The following CSRP3 variants were observed in gnomAD, a reference collection of about 807,000 sequenced individuals.
CSRP3 encodes cysteine and glycine-rich protein 3.
CSRP3 carries 24 observed loss-of-function variants against 24.3 expected under a neutral mutation model. The ratio of observed to expected loss-of-function variants is 0.99; its 90% CI spans 0.71 to 1.39. The LOEUF (loss-of-function observed/expected upper bound fraction) is 1.39. CSRP3 is among the 40% of genes most tolerant of loss of function. The pLI is 0.00. For synonymous variants in CSRP3, 105 were observed against 94.0 expected (o/e 1.12, Z -0.68); for missense variants, 240 against 249.0 (o/e 0.96, Z 0.24).
intron 5 of CSRP3, among the ~76,000 whole-genome samples, chr11:19,184,556 C>T (rs938393074): frequency 6.6e-6 from 1 of 152,186 alleles, no homozygotes; most frequent in Non-Finnish European, 1.5e-5. Flanking sequence ...CTCCAGTCAC[C>T]CCCTCTGCCA....
chr11:19,182,179 C>A lies in CSRP3; in HGVS notation c.*491G>T. The stretch of plus-strand genomic sequence containing the variant: ...TGATTTTCCTTTTAGATTTTGCTAT[C>A]ATGTTCTCTATTTTCTCCCAGACCC... On this transcript the variant is annotated 3_prime_UTR_variant, in exon 6 of 6. Coordinates refer to ENST00000265968, the MANE Select transcript of CSRP3 (RefSeq NM_003476.5). 1 of 160,320 alleles carries A rather than the reference C, an allele frequency of 6.2e-6. No individual in the cohort carries two copies. The highest frequency in any genetic ancestry group is 5.9e-5 in the Admixed American group (1 of 17,002). 9.9% of individuals were successfully genotyped at this position (160,320 alleles called of 1,614,324 possible).
At chr11:19,186,066 G>C in intron 4 of CSRP3, 150 bp downstream of exon 4, 1 of 980,184 alleles carries the variant, frequency 1.0e-6, no homozygotes, top group Non-Finnish European at 1.6e-6. Flanking sequence ...CCCCAGCCTG[G>C]GAAAGTGGCT....
Position 19,182,444 on chromosome 11 carries a change from C to G in CSRP3, c.*226G>C. ...TAAAACATTTATTTATTGCCTCTCC[C>G]ATTCCAAGCATTATAAATAATAAAG... On this transcript the variant is annotated 3_prime_UTR_variant, in exon 6 of 6. Coordinates refer to ENST00000265968, the MANE Select transcript of CSRP3 (RefSeq NM_003476.5). 1 of 588,504 alleles carries G rather than the reference C, an allele frequency of 1.7e-6. No homozygotes were observed. The highest frequency in any genetic ancestry group is 2.1e-5 in the South Asian group (1 of 47,674). 36.5% of individuals were successfully genotyped at this position (588,504 alleles called of 1,614,324 possible). A position where few individuals can be genotyped will look rare whatever the true frequency, so the allele number is the denominator to read the frequency against.
intron 1 of CSRP3, among the ~76,000 whole-genome samples, chr11:19,197,387 TC>T (rs1565055292): frequency 6.1e-4 from 2 of 3,302 alleles, no homozygotes; most frequent in African/African-American, 2.8e-3. Flanking sequence ...CCTCCCTCCC[TC>T]CCTTCCTTCC....
chr11:19,199,614 T>C (rs1409136580), intron 1 of CSRP3, among the ~76,000 whole-genome samples: 1 of 152,260 alleles, frequency 6.6e-6, no homozygotes, highest in Non-Finnish European at 1.5e-5. Flanking sequence ...CTAAGCTTTC[T>C]AGAACTTTAG....
rs541469995 is a variant in CSRP3 at position 19,191,597 on chromosome 11, T to A, written c.112+740A>T. ...CATGGAGTCTAAAGGTAGAGGTTCA[T>A]GTATAAGACTCTATCGCAGATGCAC... is the stretch of plus-strand genomic sequence containing the variant. On this transcript the variant is annotated intron_variant, in intron 2 of 5. Transcript: ENST00000265968. 1.5e-4 allele frequency among the ~76,000 whole-genome samples: 23 copies of A among 152,308 alleles called. No homozygotes were observed. The South Asian group carries it at 4.6e-3, about 30-fold the overall frequency.
chr11:19,188,072 C>A (rs769181670), intron 3 of CSRP3, 64 bp downstream of exon 3: 3 of 1,599,772 alleles, frequency 1.9e-6, no homozygotes, highest in Non-Finnish European at 2.6e-6. Flanking sequence ...GCTATGGGAA[C>A]GAAATGAACT....
intron 3 of CSRP3, among the ~76,000 whole-genome samples, chr11:19,187,632 C>T (rs1444275452): frequency 6.6e-6 from 1 of 152,192 alleles, no homozygotes; most frequent in African/African-American, 2.4e-5. Context: ...AGCCAGGGAA[C>T]CCCCAGAAAA....
intron 2 of CSRP3, among the ~76,000 whole-genome samples, chr11:19,188,818 A>C (rs1850573740): frequency 6.6e-6 from 1 of 152,148 alleles, no homozygotes; most frequent in South Asian, 2.1e-4. Flanking sequence ...TTTTGGTCAA[A>C]TTCTGGAAGC....
intron 5 of CSRP3, among the ~76,000 whole-genome samples, chr11:19,183,912 G>C (rs1362363871): frequency 6.6e-6 from 1 of 152,158 alleles, no homozygotes; most frequent in East Asian, 1.9e-4. Flanking sequence ...TAAGCCTCAC[G>C]AGATCTGATG....
intron 2 of CSRP3, among the ~76,000 whole-genome samples, chr11:19,189,734 A>C (rs1850585998): frequency 6.6e-6 from 1 of 152,222 alleles, no homozygotes; most frequent in African/African-American, 2.4e-5. Flanking sequence ...TATTCTGTCA[A>C]CATTGTATGT....
In CSRP3 at chr11:19,186,306, G is replaced by A. The variant is rs1850524848; in HGVS notation, c.324C>T (p.Ser108=). The A allele has an allele frequency of 5.6e-6, 9 of 1,614,214 alleles. No individual in the cohort carries two copies. Among genetic ancestry groups the A allele is most frequent in the Non-Finnish European group, 6.8e-6 (8 of 1,180,038 alleles). ...ACTCTCCAAACTTCGCAGTGAATTT[G>A]GAAGGGTTGCTGGTGGTAACTGAGC... ...PARSVTTSNP[S]KFTAKFGESE... The change falls in exon 4 of 6, where the codon TCC becomes TCT. Residue 108 remains serine, a synonymous_variant. Coordinates refer to ENST00000265968, the MANE Select transcript of CSRP3 (RefSeq NM_003476.5).
chr11:19,189,407 T>G (rs1315865495), intron 2 of CSRP3, among the ~76,000 whole-genome samples: 6 of 152,224 alleles, frequency 3.9e-5, no homozygotes, highest in African/African-American at 4.8e-5. Flanking sequence ...TTTGCAACAA[T>G]GATTCTTAAA....
intron 1 of CSRP3, 41 bp from the exon 2 acceptor site, chr11:19,192,517 C>A: frequency 1.6e-6 from 2 of 1,284,490 alleles, no homozygotes; most frequent in South Asian, 2.4e-5. Context: ...TGAAGTGGCC[C>A]CAGGAGTGAA....
chr11:19,192,801 GT>G (rs571992134), intron 1 of CSRP3, among the ~76,000 whole-genome samples: 18 of 147,914 alleles, frequency 1.2e-4, no homozygotes, highest in African/African-American at 3.2e-4. Flanking sequence ...TACAAAGATC[GT>G]TTTTTTTTTC....
intron 2 of CSRP3, 78 bp downstream of exon 2, chr11:19,192,259 A>G: frequency 2.1e-6 from 2 of 953,044 alleles, no homozygotes; most frequent in Non-Finnish European, 3.4e-6. Flanking sequence ...CCACTGGCAT[A>G]CAGTGTTTGT....
At chr11:19,184,904 G>T in intron 5 of CSRP3, 48 bp downstream of exon 5, 1 of 1,363,948 alleles carries the variant, frequency 7.3e-7, no homozygotes, top group Non-Finnish European at 1.1e-6. Flanking sequence ...TCTCCCAAGG[G>T]CCCTTTTAGG....
At chr11:19,188,794 G>GC (rs1850573515) in intron 2 of CSRP3, among the ~76,000 whole-genome samples, 1 of 152,096 alleles carries the variant, frequency 6.6e-6, no homozygotes, top group Non-Finnish European at 1.5e-5. Flanking sequence ...GCAGACAATT[G>GC]CCATTGAGGC....
At chr11:19,192,501 C>T (rs933861674) in intron 1 of CSRP3, 25 bp from the exon 2 acceptor site, 2 of 1,446,202 alleles carry the variant, frequency 1.4e-6, no homozygotes, top group Admixed American at 3.4e-5. Context: ...AGCAAATACC[C>T]TACATTGAAG....
Sources: allele counts gnomAD v4.1 joint callset (sites outside exome capture counted in the v4.1 genomes callset), GRCh38; gene constraint gnomAD v4.1.1; transcripts MANE v1.5; gene names NCBI Gene and HGNC (gene_info 2026-07-23, HGNC 2026-07-21).